CDK14: variants seen among roughly 807,000 people sequenced by gnomAD.
CDK14 encodes cyclin dependent kinase 14.
A neutral mutation model predicts 60.7 loss-of-function variants in CDK14; 34 were observed. The observed-to-expected ratio is 0.56, with a 90% CI of 0.43 to 0.75. The LOEUF (loss-of-function observed/expected upper bound fraction) is 0.75, where lower values mean the gene tolerates loss of function less well. Among genes scored for constraint, CDK14 ranks in the 30% least tolerant of loss-of-function variants. CDK14 has a pLI of 0.00. For missense variants in CDK14, 482 were observed against 564.1 expected, an observed-to-expected ratio of 0.85 and a Z score of 1.47; for synonymous variants, 197 against 203.7, an observed-to-expected ratio of 0.97 and a Z score of 0.28.
chr7:90,836,017 A>G (rs1790083498), intron 5 of CDK14, among the ~76,000 whole-genome samples: 1 of 152,228 alleles, frequency 6.6e-6, no homozygotes, highest in Non-Finnish European at 1.5e-5. Context: ...GTACACCTAT[A>G]TAGAGCACTT....
intron 8 of CDK14, among the ~76,000 whole-genome samples, chr7:90,946,310 C>T (rs564956749): frequency 6.6e-6 from 1 of 152,230 alleles, no homozygotes; most frequent in South Asian, 2.1e-4. Context: ...ACTACATTAG[C>T]AATGCCCAAC....
intron 2 of CDK14, among the ~76,000 whole-genome samples, chr7:90,700,777 C>T (rs961528174): frequency 2.0e-5 from 3 of 152,088 alleles, no homozygotes; most frequent in African/African-American, 7.2e-5. Context: ...CATTCTGAGG[C>T]CTTCTCAACT....
intron 2 of CDK14, among the ~76,000 whole-genome samples, chr7:90,607,227 G>GT (rs760749074): frequency 1.4e-4 from 21 of 152,132 alleles, no homozygotes; most frequent in Non-Finnish European, 2.9e-4. Context: ...TTGAACGCTT[G>GT]TTTTTTACCT....
chr7:90,598,481 C>T (rs1799241295), intron 1 of CDK14, among the ~76,000 whole-genome samples: 1 of 152,024 alleles, frequency 6.6e-6, no homozygotes, highest in Non-Finnish European at 1.5e-5. Flanking sequence ...GTGCAGTGAG[C>T]ACAGCTGATT....
chr7:91,114,803 C>T (rs1051317060), intron 13 of CDK14, among the ~76,000 whole-genome samples: 4 of 152,224 alleles, frequency 2.6e-5, no homozygotes, highest in African/African-American at 9.6e-5. Flanking sequence ...GTATTAAATA[C>T]TATAGTCATT....
chr7:91,155,963 T>C (rs181758759), intron 14 of CDK14, among the ~76,000 whole-genome samples: 3 of 152,346 alleles, frequency 2.0e-5, no homozygotes, highest in Admixed American at 6.5e-5. Flanking sequence ...GGAAAGACAT[T>C]TTGAGATATA....
At chr7:90,724,493 T>TA (rs887725234) in intron 2 of CDK14, among the ~76,000 whole-genome samples, 1 of 151,684 alleles carries the variant, frequency 6.6e-6, no homozygotes, top group African/African-American at 2.4e-5. Context: ...TTTATTTATT[T>TA]TTTTTTTAGT....
chr7:90,615,711 GTTGTC>G (rs1416120274), intron 2 of CDK14, among the ~76,000 whole-genome samples: 3 of 152,110 alleles, frequency 2.0e-5, no homozygotes, highest in African/African-American at 7.2e-5. Flanking sequence ...GGATAACTTA[GTTGTC>G]TTGGAGTATT....
intron 5 of CDK14, among the ~76,000 whole-genome samples, chr7:90,826,113 A>AGTGT (rs1789713538): frequency 6.6e-6 from 1 of 152,248 alleles, no homozygotes; most frequent in Non-Finnish European, 1.5e-5. Flanking sequence ...AACTAGGACA[A>AGTGT]AGCTCTTAAA....
intron 5 of CDK14, among the ~76,000 whole-genome samples, chr7:90,831,749 T>C (rs939475157): frequency 1.3e-5 from 2 of 152,122 alleles, no homozygotes; most frequent in African/African-American, 2.4e-5. Flanking sequence ...AGTTAGCAGA[T>C]TGTCATTCTA....
At chr7:90,737,194 A>C (rs1488034253) in intron 3 of CDK14, among the ~76,000 whole-genome samples, 1 of 152,200 alleles carries the variant, frequency 6.6e-6, no homozygotes, top group East Asian at 1.9e-4. Flanking sequence ...TCTTGGGAGT[A>C]CTACAGGAGA....
chr7:90,652,092 T>G (rs2116479163), intron 2 of CDK14, among the ~76,000 whole-genome samples: 1 of 152,286 alleles, frequency 6.6e-6, no homozygotes, highest in Admixed American at 6.5e-5. Flanking sequence ...CATCTTTCTT[T>G]ATTTTTCCCA....
chr7:90,608,937 G>C (rs1479846355), intron 2 of CDK14, among the ~76,000 whole-genome samples: 1 of 152,156 alleles, frequency 6.6e-6, no homozygotes, highest in Non-Finnish European at 1.5e-5. Context: ...GTTAGGTGGA[G>C]ACTGTGCACA....
chr7:90,655,057 G>C (rs1800723450), intron 2 of CDK14, among the ~76,000 whole-genome samples: 1 of 151,956 alleles, frequency 6.6e-6, no homozygotes, highest in Admixed American at 6.6e-5. Flanking sequence ...GCCTTTTCCA[G>C]ATGTTATATG....
At chr7:90,724,905 A>G (rs1802581329) in intron 2 of CDK14, among the ~76,000 whole-genome samples, 1 of 152,116 alleles carries the variant, frequency 6.6e-6, no homozygotes, top group Non-Finnish European at 1.5e-5. Flanking sequence ...CCTTAAAAAT[A>G]TTGCATGCTC....
At chr7:90,680,017 G>A (rs1801283185) in intron 2 of CDK14, among the ~76,000 whole-genome samples, 1 of 151,848 alleles carries the variant, frequency 6.6e-6, no homozygotes, top group Non-Finnish European at 1.5e-5. Context: ...CAAGTATAAG[G>A]CGGTTATAAT....
At chr7:90,865,435 A>C (rs1791146345) in intron 6 of CDK14, among the ~76,000 whole-genome samples, 1 of 152,208 alleles carries the variant, frequency 6.6e-6, no homozygotes, top group Non-Finnish European at 1.5e-5. Context: ...ATATCTCAAG[A>C]AAAATTAAGG....
intron 2 of CDK14, among the ~76,000 whole-genome samples, chr7:90,685,546 A>T (rs1005725846): frequency 6.6e-6 from 1 of 151,774 alleles, no homozygotes; most frequent in African/African-American, 2.4e-5. Context: ...TGGCACTGTC[A>T]TAGCTTACTG....
chr7:90,926,219 C>G (rs535966597), intron 8 of CDK14, among the ~76,000 whole-genome samples: 2 of 152,262 alleles, frequency 1.3e-5, no homozygotes, highest in South Asian at 2.1e-4. Flanking sequence ...GTAAGCCATG[C>G]TGGTCTGATG....
Sources: gnomAD v4.1 joint callset for allele counts (sites outside exome capture counted in the v4.1 genomes callset) on GRCh38, gnomAD v4.1.1 for gene constraint, MANE v1.5 for transcripts, NCBI Gene and HGNC (gene_info 2026-07-23, HGNC 2026-07-21) for gene names.